Variants in ADGRB3 observed in about 807,000 individuals in gnomAD.
The protein encoded by ADGRB3 is adhesion G protein-coupled receptor B3.
ADGRB3 carries 37 observed loss-of-function variants against 193.4 expected under a neutral mutation model. That is an observed-to-expected ratio of 0.19 (90% CI 0.15 to 0.25). The LOEUF is 0.25. Among genes scored for constraint, ADGRB3 ranks in the 10% least tolerant of loss-of-function variants. ADGRB3 has a pLI of 1.00. For missense variants in ADGRB3, 1,637 were observed against 1,852.9 expected (o/e 0.88, Z 2.14); for synonymous variants, 690 against 644.2 (o/e 1.07, Z -1.08).
At chr6:69,050,450 G>C (rs1562137926) in intron 15 of ADGRB3, among the ~76,000 whole-genome samples, 1 of 152,174 alleles carries the variant, frequency 6.6e-6, no homozygotes, top group African/African-American at 2.4e-5. Context: ...GGATCTATTT[G>C]TGTTTGTGTT....
intron 3 of ADGRB3, among the ~76,000 whole-genome samples, chr6:68,906,307 G>T (rs1419166347): frequency 6.6e-6 from 1 of 151,336 alleles, no homozygotes; most frequent in Non-Finnish European, 1.5e-5. Context: ...TATATTGGAG[G>T]TATACCATAT....
chr6:68,776,746 A>T (rs1297414302), intron 3 of ADGRB3, among the ~76,000 whole-genome samples: 1 of 152,190 alleles, frequency 6.6e-6, no homozygotes, highest in African/African-American at 2.4e-5. Context: ...ATGATATTGC[A>T]GATTATAGTG....
At chr6:68,900,595 C>A (rs1766367614) in intron 3 of ADGRB3, among the ~76,000 whole-genome samples, 2 of 152,270 alleles carry the variant, frequency 1.3e-5, no homozygotes, top group East Asian at 1.9e-4. Context: ...CCTTCCCCAG[C>A]CACTCCTGTC....
intron 17 of ADGRB3, 21 bp from the exon 18 acceptor site, chr6:69,233,269 C>A (rs1331954517): frequency 6.2e-7 from 1 of 1,610,572 alleles, no homozygotes; most frequent in Non-Finnish European, 8.5e-7. Context: ...CGATTTCCTC[C>A]CCCCTCACTC....
At chr6:68,672,175 A>G (rs1768980421) in intron 3 of ADGRB3, among the ~76,000 whole-genome samples, 1 of 151,790 alleles carries the variant, frequency 6.6e-6, no homozygotes, top group Non-Finnish European at 1.5e-5. Context: ...TCTGGCTAAA[A>G]GTTTGTAAAT....
chr6:68,687,480 G>T (rs1303469881), intron 3 of ADGRB3, among the ~76,000 whole-genome samples: 1 of 152,088 alleles, frequency 6.6e-6, no homozygotes, highest in Non-Finnish European at 1.5e-5. Flanking sequence ...TAAGGTATCA[G>T]TTTTCAGGTA....
chr6:69,024,796 A>G (rs1770376826), intron 13 of ADGRB3, among the ~76,000 whole-genome samples: 1 of 152,220 alleles, frequency 6.6e-6, no homozygotes. Context: ...TTTAGAAAAT[A>G]TTAAATATTA....
intron 3 of ADGRB3, among the ~76,000 whole-genome samples, chr6:68,808,446 C>T (rs1767450009): frequency 3.3e-5 from 5 of 150,686 alleles, no homozygotes; most frequent in Admixed American, 2.0e-4. Context: ...TTTTTGCTAC[C>T]TCTAACTATA....
intron 26 of ADGRB3, among the ~76,000 whole-genome samples, chr6:69,347,238 A>G (rs1398968424): frequency 6.6e-6 from 1 of 152,176 alleles, no homozygotes; most frequent in East Asian, 1.9e-4. Context: ...GGATAGCATT[A>G]GGAGAAATAC....
intron 3 of ADGRB3, among the ~76,000 whole-genome samples, chr6:68,925,244 G>T (rs1767148322): frequency 6.6e-6 from 1 of 151,880 alleles, no homozygotes; most frequent in Non-Finnish European, 1.5e-5. Context: ...TTACAAATTA[G>T]AAAGATACCA....
chr6:69,140,575 C>T (rs964496247), intron 17 of ADGRB3, among the ~76,000 whole-genome samples: 1 of 151,956 alleles, frequency 6.6e-6, no homozygotes, highest in Non-Finnish European at 1.5e-5. Context: ...TGAATAAGAT[C>T]TAGCATTTAA....
intron 17 of ADGRB3, among the ~76,000 whole-genome samples, chr6:69,166,364 C>T (rs1775132564): frequency 6.6e-6 from 1 of 152,074 alleles, no homozygotes; most frequent in South Asian, 2.1e-4. Context: ...CTTGGTTGGT[C>T]ACATTTTCTC....
At chr6:69,016,475 A>G (rs1770096393) in intron 12 of ADGRB3, among the ~76,000 whole-genome samples, 1 of 151,924 alleles carries the variant, frequency 6.6e-6, no homozygotes, top group African/African-American at 2.4e-5. Context: ...TGTCACGCAT[A>G]ATTCATCCTA....
At chr6:68,682,174 A>G (rs1764908263) in intron 3 of ADGRB3, among the ~76,000 whole-genome samples, 1 of 152,218 alleles carries the variant, frequency 6.6e-6, no homozygotes, top group African/African-American at 2.4e-5. Context: ...ATATACCCTC[A>G]CTGAATTTTA....
chr6:69,098,197 A>G (rs1364564281), intron 17 of ADGRB3, among the ~76,000 whole-genome samples: 2 of 152,162 alleles, frequency 1.3e-5, no homozygotes, highest in African/African-American at 4.8e-5. Context: ...TTGGCCTCCT[A>G]AAAGTGGTGG....
At chr6:69,075,238 A>G (rs770429632) in intron 16 of ADGRB3, among the ~76,000 whole-genome samples, 19 of 152,226 alleles carry the variant, frequency 1.2e-4, no homozygotes, top group Non-Finnish European at 2.1e-4. Flanking sequence ...ACTTGAAACC[A>G]ACAGTATATG....
rs564234361 is a variant in ADGRB3 at position 68,987,146 on chromosome 6, G to A, written c.1735-6622G>A. 3.7e-4 allele frequency among the ~76,000 whole-genome samples: 57 copies of A among 152,158 alleles called. 1 individual carries two copies. The South Asian group carries it at 0.011, about 29-fold the overall frequency. ...GCTCACAGTGTTGCAATGTGAGCAAGCATAATCACTGATAATTATAATTTT... is the reference window on the plus strand; with the variant it reads ...GCTCACAGTGTTGCAATGTGAGCAAACATAATCACTGATAATTATAATTTT... On this transcript the variant is annotated intron_variant, in intron 10 of 31. Coordinates refer to ENST00000370598, the MANE Select transcript of ADGRB3 (RefSeq NM_001704.3).
At position 69,369,166 on chromosome 6, in the gene ADGRB3, T is replaced by G. The variant is rs552315413; in HGVS notation, c.4240-3240T>G. ...CACTTTTCTCAGTTGGTTCTTAATT[T>G]AAAACATACATAACAATTTCCAATC... is the stretch of plus-strand genomic sequence containing the variant. On this transcript the variant is annotated intron_variant, in intron 29 of 31. Transcript: ENST00000370598. Among the ~76,000 whole-genome samples, 113 of 152,266 alleles carry G rather than the reference T, an allele frequency of 7.4e-4. 1 individual carries two copies. The South Asian group carries it at 0.023, about 31-fold the overall frequency.
At chr6:69,211,317 T>C (rs1765662326) in intron 17 of ADGRB3, among the ~76,000 whole-genome samples, 1 of 152,124 alleles carries the variant, frequency 6.6e-6, no homozygotes, top group African/African-American at 2.4e-5. Flanking sequence ...AGAAAGGGAA[T>C]CTATACCCCT....
Sources: allele counts gnomAD v4.1 joint callset (sites outside exome capture counted in the v4.1 genomes callset), GRCh38; gene constraint gnomAD v4.1.1; transcripts MANE v1.5; gene names NCBI Gene and HGNC (gene_info 2026-07-23, HGNC 2026-07-21).